Variants in MTCL1 observed in about 807,000 individuals in gnomAD.
The protein encoded by MTCL1 is microtubule cross-linking factor 1.
In MTCL1, 79 loss-of-function variants were observed where a neutral mutation model predicts 141.4. That is an observed-to-expected ratio of 0.56 (90% CI 0.47 to 0.67). The LOEUF (loss-of-function observed/expected upper bound fraction) is 0.67. Among genes scored for constraint, MTCL1 ranks in the 30% least tolerant of loss-of-function variants. The pLI is 0.00. For synonymous variants in MTCL1, 914 were observed against 875.8 expected, an observed-to-expected ratio of 1.04 and a Z score of -0.77; for missense variants, 2,177 against 2,113.9, an observed-to-expected ratio of 1.03 and a Z score of -0.59.
At chr18:8,813,279 A>G (rs760252351) in intron 12 of MTCL1, 46 bp downstream of exon 11, 1 of 1,575,994 alleles carries the variant, frequency 6.3e-7, no homozygotes. Context: ...CAGAGTGTAG[A>G]CTGCTCAGTG....
In MTCL1 at chr18:8,705,821, C is replaced by G. The variant is rs1423567861; in HGVS notation, c.161C>G (p.Ala54Gly). The G allele has an allele frequency of 5.1e-6, 6 of 1,183,234 alleles. No homozygotes were observed. The Admixed American group carries it at 1.8e-4, about 36-fold the overall frequency. The allele number at this position is 1,183,234 out of a possible 1,614,324, so 73.3% of individuals were successfully genotyped here. Reference sequence around the variant, plus strand: ...AGACCCTTCCTCAAGGACCTGCACGCCCGGCCCGCCGCGCCCGGCCCGGCC... The same window carrying G: ...AGACCCTTCCTCAAGGACCTGCACGGCCGGCCCGCCGCGCCCGGCCCGGCC... Residue 54 changes from alanine to glycine, a missense_variant, in exon 1 of 14, where the codon GCC becomes GGC. Coordinates refer to the MTCL1 transcript ENST00000306329. This position sits in a 1 kb window ranked among gnomAD's most constrained non-coding sequence, Gnocchi z 5.2.
chr18:8,735,920 A>G (rs1414993711), intron 4 of MTCL1, among the ~76,000 whole-genome samples: 1 of 152,174 alleles, frequency 6.6e-6, no homozygotes, highest in Non-Finnish European at 1.5e-5. Flanking sequence ...TATTTTTTTT[A>G]ACCAAAATAT....
chr18:8,739,953 A>G (rs2096293618), intron 4 of MTCL1, among the ~76,000 whole-genome samples: 1 of 152,294 alleles, frequency 6.6e-6, no homozygotes, highest in South Asian at 2.1e-4. Context: ...GGATGTTCTC[A>G]ATCTCTTGAC....
intron 4 of MTCL1, among the ~76,000 whole-genome samples, chr18:8,721,310 A>G (rs536329947): frequency 3.9e-5 from 6 of 152,128 alleles, no homozygotes; most frequent in Non-Finnish European, 8.8e-5. Flanking sequence ...CCTGATTCAC[A>G]CAGTTCTTCC....
intron 5 of MTCL1, chr18:8,782,293 G>A (rs537604024): frequency 6.6e-6 from 1 of 152,356 alleles, no homozygotes; most frequent in Admixed American, 6.5e-5. Flanking sequence ...CCGCAGTGCT[G>A]TTGTTGACAG....
At chr18:8,732,260 A>AT (rs1255878928) in intron 4 of MTCL1, among the ~76,000 whole-genome samples, 1 of 151,388 alleles carries the variant, frequency 6.6e-6, no homozygotes, top group African/African-American at 2.4e-5. Flanking sequence ...AATTTTTTTG[A>AT]TTTTTTAAAT....
chr18:8,775,408 T>TAAAAAAAAAAAAAA (rs780102071), intron 4 of MTCL1, among the ~76,000 whole-genome samples: 5 of 92,986 alleles, frequency 5.4e-5, no homozygotes, highest in East Asian at 6.2e-4. Flanking sequence ...TCGTCTCTAC[T>TAAAAAAAAAAAAAA]AAAAAAAAAA....
At chr18:8,723,152 C>G (rs2096184380) in intron 4 of MTCL1, among the ~76,000 whole-genome samples, 1 of 152,184 alleles carries the variant, frequency 6.6e-6, no homozygotes, top group Non-Finnish European at 1.5e-5. Flanking sequence ...TTACACCAAA[C>G]TTCTAAATGA....
chr18:8,827,794 C>T (rs185122546), intron 15 of MTCL1, among the ~76,000 whole-genome samples: 205 of 152,290 alleles, frequency 1.3e-3, no homozygotes, highest in Middle Eastern at 0.01. Flanking sequence ...CTTTGAATTA[C>T]GAATAGTGAA....
At chr18:8,718,400 A>G in intron 2 of MTCL1, 24 bp from the exon 2 acceptor site, 3 of 1,609,704 alleles carry the variant, frequency 1.9e-6, no homozygotes, top group South Asian at 1.1e-5. Flanking sequence ...TGGCTCATAA[A>G]TCTTCTCTGT....
At chr18:8,712,207 C>T (rs2096097226) in intron 1 of MTCL1, among the ~76,000 whole-genome samples, 1 of 152,174 alleles carries the variant, frequency 6.6e-6, no homozygotes, top group Non-Finnish European at 1.5e-5. Flanking sequence ...AAATATTTTT[C>T]TGTTAAAAGA....
chr18:8,738,500 A>T (rs1010057416), intron 4 of MTCL1, among the ~76,000 whole-genome samples: 1 of 152,178 alleles, frequency 6.6e-6, no homozygotes, highest in Non-Finnish European at 1.5e-5. Flanking sequence ...TGGCCAATGG[A>T]CACCAATAAT....
intron 14 of MTCL1, 41 bp from the exon 14 acceptor site, chr18:8,824,658 T>G: frequency 6.5e-7 from 1 of 1,546,324 alleles, no homozygotes; most frequent in South Asian, 1.2e-5. Context: ...TGTCAGAGGC[T>G]CCCTGGCAGG....
intron 4 of MTCL1, among the ~76,000 whole-genome samples, chr18:8,756,231 G>A (rs896225100): frequency 3.3e-5 from 5 of 152,116 alleles, no homozygotes; most frequent in African/African-American, 1.2e-4. Flanking sequence ...CAGACCATGC[G>A]GTGACTTCTA....
At chr18:8,728,170 A>G (rs1233771528) in intron 4 of MTCL1, among the ~76,000 whole-genome samples, 2 of 152,174 alleles carry the variant, frequency 1.3e-5, no homozygotes, top group African/African-American at 4.8e-5. Flanking sequence ...AAACTTATTT[A>G]ATAGCTAATG....
intron 4 of MTCL1, among the ~76,000 whole-genome samples, chr18:8,739,378 G>A (rs140552697): frequency 6.8e-4 from 104 of 152,342 alleles, no homozygotes; most frequent in Middle Eastern, 6.8e-3. Context: ...GCGTGCATGC[G>A]CGGTGGAAGA....
At chr18:8,724,682 T>C (rs1402995536) in intron 4 of MTCL1, among the ~76,000 whole-genome samples, 6 of 152,180 alleles carry the variant, frequency 3.9e-5, no homozygotes, top group Non-Finnish European at 7.3e-5. Context: ...CATCCCCGGC[T>C]CCCTGTTGGG....
chr18:8,809,454 TG>T, intron 11 of MTCL1: 3 of 1,535,262 alleles, frequency 2.0e-6, no homozygotes, highest in Non-Finnish European at 1.7e-6. Context: ...TTAGAATTGT[TG>T]TGGATATCCC....
intron 7 of MTCL1, chr18:8,786,607 C>T (rs1485523658): frequency 5.9e-6 from 2 of 341,348 alleles, no homozygotes; most frequent in Non-Finnish European, 5.8e-6. Context: ...GTGTCTGTCA[C>T]CACAGTAACC....
Sources: allele counts gnomAD v4.1 joint callset (sites outside exome capture counted in the v4.1 genomes callset), GRCh38; gene constraint gnomAD v4.1.1; non-coding constraint Gnocchi (gnomAD v3.1); transcripts MANE v1.5; gene names NCBI Gene and HGNC (gene_info 2026-07-23, HGNC 2026-07-21).